Variants in ARSK observed in about 807,000 individuals in gnomAD.
ARSK encodes the protein arylsulfatase family member K, also known as arylsulfatase K.
A neutral mutation model predicts 53.2 loss-of-function variants in ARSK; 37 were observed. That is an observed-to-expected ratio of 0.70 (90% CI 0.54 to 0.92). The LOEUF (loss-of-function observed/expected upper bound fraction) is 0.92. ARSK is among the 40% of genes least tolerant of loss of function. The pLI, the probability that ARSK is intolerant of heterozygous loss-of-function variation, is 0.00. For synonymous variants in ARSK, 208 were observed against 223.2 expected, an observed-to-expected ratio of 0.93 and a Z score of 0.61; for missense variants, 613 against 643.0, an observed-to-expected ratio of 0.95 and a Z score of 0.51.
Position 95,567,939 on chromosome 5 carries a change from T to G in ARSK, c.306T>G (p.Phe102Leu), listed in dbSNP as rs142112219. ...FTHLTESWNN[F>L]KGLDPNYTTW... Reference sequence around the variant, plus strand: ...ACTTAACAGAATCTTGGAATAATTTTAAGGGTCTAGATCCAAATTATACAA... The same window carrying G: ...ACTTAACAGAATCTTGGAATAATTTGAAGGGTCTAGATCCAAATTATACAA... The change falls in exon 3 of 8, where the codon TTT becomes TTG. Residue 102 changes from phenylalanine (F) to leucine (L), a missense_variant. Coordinates refer to ENST00000380009, the MANE Select transcript of ARSK (RefSeq NM_198150.3). The G allele has an allele frequency of 3.9e-5, 63 of 1,613,290 alleles. No homozygotes were observed. Among genetic ancestry groups the G allele is most frequent in the Non-Finnish European group, 4.7e-5 (55 of 1,179,574 alleles).
chr5:95,591,569 C>A lies in ARSK; in HGVS notation c.1040C>A (p.Ala347Asp), dbSNP rs923833151. ...PLLMMGPGIK[A>D]GLQVSNVVSL... ...TTGATGATGGGACCAGGAATTAAAG[C>A]CGGCCTACAAGTATCAAATGTGGTT... Residue 347 changes from alanine (A) to aspartate (D), a missense_variant, in exon 6 of 8, where the codon GCC becomes GAC. Ala to Asp is a moderately radical substitution (Grantham distance 126, BLOSUM62 -2). Transcript: ENST00000380009. 6.2e-7 allele frequency: 1 copy of A among 1,614,012 alleles called. No individual in the cohort carries two copies. Among genetic ancestry groups the A allele is most frequent in the African/African-American group, 1.3e-5 (1 of 74,906 alleles).
chr5:95,570,813 G>A (rs1324057863), intron 3 of ARSK, among the ~76,000 whole-genome samples: 1 of 145,650 alleles, frequency 6.9e-6, no homozygotes, highest in African/African-American at 2.6e-5. Context: ...ACACAGTCTC[G>A]CTCTGTCACC....
intron 3 of ARSK, 116 bp from the exon 4 acceptor site, chr5:95,582,800 A>T: frequency 9.9e-7 from 1 of 1,008,712 alleles, no homozygotes; most frequent in South Asian, 2.5e-5. Flanking sequence ...TATTCTGAAC[A>T]TTTACAAGAC....
At position 95,597,798 on chromosome 5, in the gene ARSK, G is replaced by A. The variant is rs1356582103; in HGVS notation, c.1097-3049G>A. Among the ~76,000 whole-genome samples, 3 of 151,848 alleles carry A rather than the reference G, an allele frequency of 2.0e-5. No individual in the cohort carries two copies. In the East Asian group the frequency reaches 5.8e-4, roughly 29 times the overall value. ...AATCCCAGCTACTCGGGAGGCTGAG[G>A]CAGGAGAATCACTTGAACCTGGGAG... is the stretch of plus-strand genomic sequence containing the variant. On this transcript the variant is annotated intron_variant, in intron 6 of 7. Transcript: ENST00000380009.
At chr5:95,568,608 C>T (rs759587026) in intron 3 of ARSK, among the ~76,000 whole-genome samples, 2 of 152,122 alleles carry the variant, frequency 1.3e-5, no homozygotes, top group Non-Finnish European at 1.5e-5. Context: ...ACTTTAATTT[C>T]TTTGCTGTGA....
intron 1 of ARSK, among the ~76,000 whole-genome samples, chr5:95,560,740 A>G (rs1748616048): frequency 6.6e-6 from 1 of 152,106 alleles, no homozygotes; most frequent in Admixed American, 6.5e-5. Flanking sequence ...AACTCTTACA[A>G]GAAAACATAG....
At chr5:95,580,765 G>T in intron 3 of ARSK, 1 of 322,526 alleles carries the variant, frequency 3.1e-6, no homozygotes, top group Non-Finnish European at 5.3e-6. Flanking sequence ...AATCTTTTTT[G>T]AATACATTAA....
chr5:95,604,806 T>G lies in ARSK; in HGVS notation c.*1280T>G, dbSNP rs1043276159. The G allele has an allele frequency of 6.6e-6, 1 of 152,238 alleles. No homozygotes were observed. The highest frequency in any genetic ancestry group is 2.4e-5 in the African/African-American group (1 of 41,470). The allele number at this position is 152,238 out of a possible 1,614,324, so 9.4% of individuals were successfully genotyped here. On this transcript the variant is annotated 3_prime_UTR_variant, in exon 8 of 8. Transcript: ENST00000380009. ...TCTGCTTTACCATGGCCTTTCCTAT[T>G]TCTATTCTTTGCCTATTTTTCTGTT...
chr5:95,588,398 A>G, intron 5 of ARSK, among the ~76,000 whole-genome samples: 1 of 151,642 alleles, frequency 6.6e-6, no homozygotes, highest in Non-Finnish European at 1.5e-5. Context: ...CACCACGCCC[A>G]GCTAATTTTT....
chr5:95,586,703 G>C lies in ARSK; in HGVS notation c.841G>C (p.Ala281Pro), dbSNP rs768380609. 2.5e-6 allele frequency: 4 copies of C among 1,610,186 alleles called. No individual in the cohort carries two copies. Among genetic ancestry groups the C allele is most frequent in the Non-Finnish European group, 3.4e-6 (4 of 1,178,416 alleles). The change falls in exon 5 of 8, where the codon GCT becomes CCT. Residue 281 changes from alanine to proline, a missense_variant. Physicochemically the swap from Ala to Pro is conservative, Grantham distance 27. Transcript: ENST00000380009. ...EIKNIRAFYY[A>P]MCAETDAMLG... ...TAAGAATATTAGAGCATTTTATTAT[G>C]CTATGTGTGCTGAGACAGATGCCAT...
chr5:95,594,116 A>G (rs1195861416), intron 6 of ARSK, among the ~76,000 whole-genome samples: 3 of 152,204 alleles, frequency 2.0e-5, no homozygotes, highest in Non-Finnish European at 4.4e-5. Context: ...CTACATTTAA[A>G]TGATTTTTTT....
At chr5:95,584,178 ATTAAT>A (rs1209571549) in intron 4 of ARSK, among the ~76,000 whole-genome samples, 2 of 152,188 alleles carry the variant, frequency 1.3e-5, no homozygotes, top group African/African-American at 4.8e-5. Flanking sequence ...AAAGTGTCAC[ATTAAT>A]TTATCACTAG....
chr5:95,586,236 T>A (rs543753048), intron 4 of ARSK, among the ~76,000 whole-genome samples: 1 of 152,308 alleles, frequency 6.6e-6, no homozygotes, highest in African/African-American at 2.4e-5. Context: ...GTTACACAAC[T>A]ATATATTAAA....
intron 3 of ARSK, among the ~76,000 whole-genome samples, chr5:95,575,027 A>G (rs1748900869): frequency 6.6e-6 from 1 of 152,150 alleles, no homozygotes; most frequent in South Asian, 2.1e-4. Context: ...TTAATGTGGT[A>G]AGAGATAGAG....
intron 3 of ARSK, among the ~76,000 whole-genome samples, chr5:95,573,916 T>TAA (rs1477329144): frequency 1.3e-5 from 2 of 152,236 alleles, no homozygotes; most frequent in Non-Finnish European, 2.9e-5. Context: ...ACAATTAAAT[T>TAA]ATTGACTATA....
chr5:95,587,812 A>G (rs1014328467), intron 5 of ARSK, among the ~76,000 whole-genome samples: 2 of 151,992 alleles, frequency 1.3e-5, no homozygotes, highest in Admixed American at 6.6e-5. Flanking sequence ...AGACTGAGGC[A>G]AGAGAATCAC....
At chr5:95,569,118 G>A (rs570620736) in intron 3 of ARSK, among the ~76,000 whole-genome samples, 1 of 152,236 alleles carries the variant, frequency 6.6e-6, no homozygotes, top group East Asian at 1.9e-4. Context: ...TCTGGGTCCT[G>A]CAATTCCTCC....
intron 3 of ARSK, among the ~76,000 whole-genome samples, chr5:95,570,737 T>C (rs758866736): frequency 2.0e-5 from 3 of 152,116 alleles, no homozygotes; most frequent in Non-Finnish European, 2.9e-5. Flanking sequence ...ATTATTATTA[T>C]GAAAATGGCT....
At chr5:95,588,362 G>GATTCTCCTGCCTC (rs1749156941) in intron 5 of ARSK, among the ~76,000 whole-genome samples, 1 of 151,184 alleles carries the variant, frequency 6.6e-6, no homozygotes, top group South Asian at 2.1e-4. Context: ...TCAGCCTCCC[G>GATTCTCCTGCCTC]AGTAGCTGGG....
Sources: gnomAD v4.1 joint callset for allele counts (sites outside exome capture counted in the v4.1 genomes callset) on GRCh38, gnomAD v4.1.1 for gene constraint, MANE v1.5 for transcripts, NCBI Gene and HGNC (gene_info 2026-07-23, HGNC 2026-07-21) for gene names.